XAB2: variants seen among roughly 807,000 people sequenced by gnomAD.
XAB2 encodes the protein pre-mRNA-splicing factor SYF1.
A neutral mutation model predicts 113.4 loss-of-function variants in XAB2; 57 were observed. That is an observed-to-expected ratio of 0.50 (90% CI 0.41 to 0.63). The LOEUF is 0.63. XAB2 is among the 20% of genes least tolerant of loss of function. The pLI is 0.00. For missense variants in XAB2, 1,037 were observed against 1,233.3 expected (o/e 0.84, Z 2.38); for synonymous variants, 497 against 498.8 (o/e 1.00, Z 0.05).
chr19:7,621,379 T>G, intron 12 of XAB2, 82 bp from the exon 13 acceptor site: 5 of 1,533,110 alleles, frequency 3.3e-6, no homozygotes, highest in Non-Finnish European at 4.4e-6. Flanking sequence ...GTGGCGTCTG[T>G]AGGGAGCCTG....
intron 12 of XAB2, 112 bp from the exon 13 acceptor site, chr19:7,621,409 C>T: frequency 1.6e-6 from 2 of 1,227,382 alleles, no homozygotes; most frequent in East Asian, 2.3e-5. Flanking sequence ...CCCTTGGGGC[C>T]CTTCCCTGTC....
Position 7,624,285 on chromosome 19 carries a change from G to A in XAB2, c.967+16C>T. On this transcript the variant is annotated intron_variant, in intron 7 of 18. Transcript: ENST00000358368. The surrounding 1 kb of genome is among the most constrained non-coding windows in gnomAD (Gnocchi z 4.2). ...CTCAGCTCTCTCCCCACCAGCCGGG[G>A]CCCCCAGAGGCTCACCCTCCTCCTC... 1.2e-6 allele frequency: 2 copies of A among 1,612,016 alleles called. No individual in the cohort carries two copies. The highest frequency in any genetic ancestry group is 1.3e-5 in the African/African-American group (1 of 75,040).
In XAB2 at chr19:7,628,396, T is replaced by C; in HGVS notation, c.52-98A>G. On this transcript the variant is annotated intron_variant, in intron 1 of 18. Coordinates refer to ENST00000358368, the MANE Select transcript of XAB2 (RefSeq NM_020196.3). This position sits in a 1 kb window ranked among gnomAD's most constrained non-coding sequence, Gnocchi z 4.6. ...GGGCTCAGGTCCAAACTCCGGACTT[T>C]TACCTAGATCCCACCACCCACCAAG... is the stretch of plus-strand genomic sequence containing the variant. The C allele has an allele frequency of 1.3e-6, 2 of 1,485,420 alleles. No homozygotes were observed. Among genetic ancestry groups the C allele is most frequent in the Non-Finnish European group, 1.8e-6 (2 of 1,090,584 alleles). The allele number at this position is 1,485,420 out of a possible 1,614,324, so 92.0% of individuals were successfully genotyped here.
Position 7,620,350 on chromosome 19 carries a change from G to A in XAB2, c.2191C>T (p.Gln731Ter). ...KEMLRIRRSVQATYNTQVNFM... is the reference protein window; with the variant it reads ...KEMLRIRRSV ...TTGACCTGCGTGTTGTACGTGGCCT[G>A]CACGCTGCGCCGGATACGCAGCATT... The change falls in exon 16 of 19, where the codon CAG becomes TAG. Residue 731 changes from glutamine to a stop codon, truncating the protein, a stop_gained. Coordinates refer to ENST00000358368, the MANE Select transcript of XAB2 (RefSeq NM_020196.3). LOFTEE classifies it high-confidence loss of function. The A allele has an allele frequency of 6.2e-7, 1 of 1,613,518 alleles. No individual in the cohort carries two copies. The highest frequency in any genetic ancestry group is 8.5e-7 in the Non-Finnish European group (1 of 1,180,006).
Position 7,624,868 on chromosome 19 carries a change from C to T in XAB2, c.823-423G>A, listed in dbSNP as rs1328419410. Among the ~76,000 whole-genome samples, 1 of 152,208 alleles carries T rather than the reference C, an allele frequency of 6.6e-6. No individual in the cohort carries two copies. On this transcript the variant is annotated intron_variant, in intron 6 of 18. Coordinates refer to ENST00000358368, the MANE Select transcript of XAB2 (RefSeq NM_020196.3). This position sits in a 1 kb window ranked among gnomAD's most constrained non-coding sequence, Gnocchi z 4.2. ...TCCCTCTCGCTTGCCTGACCCTCTTCCCCAGCCCGCCTGTCCTCCACCTGG... is the reference window on the plus strand; with the variant it reads ...TCCCTCTCGCTTGCCTGACCCTCTTTCCCAGCCCGCCTGTCCTCCACCTGG...
In XAB2 at chr19:7,622,904, G is replaced by A. The variant is rs116369146; in HGVS notation, c.1240-11C>T. Reference sequence around the variant, plus strand: ...CAGGATGACACGGGCCTGCCGGGGCGGGCAGAGGCGAGGCTGAGACCCTGC... The same window carrying A: ...CAGGATGACACGGGCCTGCCGGGGCAGGCAGAGGCGAGGCTGAGACCCTGC... On this transcript the variant is annotated splice_polypyrimidine_tract_variant and intron_variant, in intron 9 of 18. Coordinates refer to ENST00000358368, the MANE Select transcript of XAB2 (RefSeq NM_020196.3). The A allele has an allele frequency of 2.3e-4, 370 of 1,612,602 alleles. No individual in the cohort carries two copies. The African/African-American group carries it at 3.3e-3, about 15-fold the overall frequency.
At position 7,624,281 on chromosome 19, in the gene XAB2, C is replaced by T. The variant is rs377513983; in HGVS notation, c.967+20G>A. ...TCCACTCAGCTCTCTCCCCACCAGC[C>T]GGGGCCCCCAGAGGCTCACCCTCCT... On this transcript the variant is annotated intron_variant, in intron 7 of 18. Coordinates refer to ENST00000358368, the MANE Select transcript of XAB2 (RefSeq NM_020196.3). The surrounding 1 kb of genome is among the most constrained non-coding windows in gnomAD (Gnocchi z 4.2). 1.9e-5 allele frequency: 31 copies of T among 1,611,700 alleles called. No homozygotes were observed. In the East Asian group the frequency reaches 4.9e-4, roughly 25 times the overall value.
At position 7,628,390 on chromosome 19, in the gene XAB2, G is replaced by A. The variant is rs757921908; in HGVS notation, c.52-92C>T. 4.2e-5 allele frequency: 64 copies of A among 1,533,948 alleles called. No homozygotes were observed. The highest frequency in any genetic ancestry group is 3.0e-4 in the Admixed American group (16 of 54,096). On this transcript the variant is annotated intron_variant, in intron 1 of 18. Coordinates refer to ENST00000358368, the MANE Select transcript of XAB2 (RefSeq NM_020196.3). This position sits in a 1 kb window ranked among gnomAD's most constrained non-coding sequence, Gnocchi z 4.6. ...CTGCTGGGGCTCAGGTCCAAACTCC[G>A]GACTTTTACCTAGATCCCACCACCC...
intron 1 of XAB2, 127 bp downstream of exon 1, chr19:7,629,350 T>C: frequency 8.7e-7 from 1 of 1,148,024 alleles, no homozygotes; most frequent in Non-Finnish European, 1.3e-6. Flanking sequence ...TCTGGCCCAT[T>C]AGGGTTCCCA....
Position 7,628,122 on chromosome 19 carries a change from T to C in XAB2, c.200+28A>G. 1 of 1,600,628 alleles carries C rather than the reference T, an allele frequency of 6.2e-7. No individual in the cohort carries two copies. Among genetic ancestry groups the C allele is most frequent in the Non-Finnish European group, 8.5e-7 (1 of 1,173,808 alleles). ...CTGGACCAGGTGGGGTGGGGGCTGG[T>C]GGGCAGGGCAGCTGGAGCCATTCCC... On this transcript the variant is annotated intron_variant, in intron 2 of 18. Coordinates refer to ENST00000358368, the MANE Select transcript of XAB2 (RefSeq NM_020196.3). This position sits in a 1 kb window ranked among gnomAD's most constrained non-coding sequence, Gnocchi z 4.6.
chr19:7,622,600 T>A lies in XAB2; in HGVS notation c.1433A>T (p.Asn478Ile). 6.2e-7 allele frequency: 1 copy of A among 1,612,904 alleles called. No homozygotes were observed. The highest frequency in any genetic ancestry group is 1.7e-5 in the Admixed American group (1 of 60,032). Residue 478 changes from asparagine to isoleucine, a missense_variant, in exon 11 of 19, where the codon AAC becomes ATC. Asn to Ile is a moderately radical substitution (Grantham distance 149). Coordinates refer to ENST00000358368, the MANE Select transcript of XAB2 (RefSeq NM_020196.3). Reference protein sequence around the residue: ...EYFDGSEPVQNRVYKSLKVWS... With the variant: ...EYFDGSEPVQIRVYKSLKVWS... ...GACCTTCAGTGACTTGTACACGCGG[T>A]TCTGCACGGGCTCTGAACCATCAAA...
At position 7,625,889 on chromosome 19, in the gene XAB2, A is replaced by G. The variant is rs1290701023; in HGVS notation, c.813T>C (p.His271=). ...GTGTGCCAGCATGCACCTTCTCGAAATGGCCGCTGCGGATGTAGTAGTCGG... is the reference window on the plus strand; with the variant it reads ...GTGTGCCAGCATGCACCTTCTCGAAGTGGCCGCTGCGGATGTAGTAGTCGG... ...SLADYYIRSG[H]FEKARDVYEE... is the part of the protein sequence containing the mutation. The change falls in exon 6 of 19, where the codon CAT becomes CAC. Residue 271 remains histidine (H), a synonymous_variant. Coordinates refer to ENST00000358368, the MANE Select transcript of XAB2 (RefSeq NM_020196.3). The surrounding 1 kb of genome is among the most constrained non-coding windows in gnomAD (Gnocchi z 5.2). 6.2e-7 allele frequency: 1 copy of G among 1,604,606 alleles called. No homozygotes were observed. The highest frequency in any genetic ancestry group is 1.3e-5 in the African/African-American group (1 of 74,780).
rs2031109379 is a variant in XAB2, at chr19:7,624,993, G to A, written c.823-548C>T. On this transcript the variant is annotated intron_variant, in intron 6 of 18. Transcript: ENST00000358368. This position sits in a 1 kb window ranked among gnomAD's most constrained non-coding sequence, Gnocchi z 4.2. ...TGGCCTACACGTGCCCCTGGAAGGG[G>A]CGCTGCGAAGCGCATACCGCCCACA... Among the ~76,000 whole-genome samples the A allele has an allele frequency of 6.6e-6, 1 of 152,230 alleles. No homozygotes were observed. Among genetic ancestry groups the A allele is most frequent in the South Asian group, 2.1e-4 (1 of 4,834 alleles).
rs747035938 is a variant in XAB2 at position 7,624,370 on chromosome 19, C to T, written c.898G>A (p.Ala300Thr). 5.0e-6 allele frequency: 8 copies of T among 1,614,080 alleles called. No homozygotes were observed. The highest frequency in any genetic ancestry group is 1.7e-5 in the Admixed American group (1 of 60,014). Residue 300 changes from alanine (A) to threonine (T), a missense_variant, in exon 7 of 19, where the codon GCC becomes ACC. Coordinates refer to ENST00000358368, the MANE Select transcript of XAB2 (RefSeq NM_020196.3). The surrounding 1 kb of genome is among the most constrained non-coding windows in gnomAD (Gnocchi z 4.2). ...RDFTQVFDSY[A>T]QFEESMIAAK... ...GCGATCATGCTCTCCTCGAACTGGG[C>T]GTAGCTGTCAAACACCTGTGTGAAG...
Position 7,625,604 on chromosome 19 carries a change from G to A in XAB2, c.822+276C>T, listed in dbSNP as rs963241718. ...AGCGATTCTCCTGCCTCAGCCTCCCGAGTAGCTGGGATTACAGGCGCGCAC... is the reference window on the plus strand; with the variant it reads ...AGCGATTCTCCTGCCTCAGCCTCCCAAGTAGCTGGGATTACAGGCGCGCAC... On this transcript the variant is annotated intron_variant, in intron 6 of 18. Transcript: ENST00000358368. This position sits in a 1 kb window ranked among gnomAD's most constrained non-coding sequence, Gnocchi z 5.2. 2.7e-5 allele frequency among the ~76,000 whole-genome samples: 4 copies of A among 150,340 alleles called. No homozygotes were observed. Among genetic ancestry groups the A allele is most frequent in the Non-Finnish European group, 4.4e-5 (3 of 67,782 alleles).
At position 7,623,068 on chromosome 19, in the gene XAB2, G is replaced by A. The variant is rs987783619; in HGVS notation, c.1239+102C>T. ...CACCCAAATGCACATGCACACACAC[G>A]TGCACACATCCATGCACAAATATGT... On this transcript the variant is annotated intron_variant, in intron 9 of 18. Transcript: ENST00000358368. This position sits in a 1 kb window ranked among gnomAD's most constrained non-coding sequence, Gnocchi z 4.6. The A allele has an allele frequency of 7.6e-6, 12 of 1,569,286 alleles. No individual in the cohort carries two copies. Among genetic ancestry groups the A allele is most frequent in the South Asian group, 4.7e-5 (4 of 85,438 alleles).
At chr19:7,626,838 G>C (rs1438651080) in intron 4 of XAB2, among the ~76,000 whole-genome samples, 1 of 152,166 alleles carries the variant, frequency 6.6e-6, no homozygotes, top group Non-Finnish European at 1.5e-5. Flanking sequence ...CTTTAAGTTT[G>C]AGCAAACCAT....
chr19:7,621,117 GC>G lies in XAB2; in HGVS notation c.1780+17del, dbSNP rs756146990. The G allele has an allele frequency of 1.9e-4, 185 of 985,866 alleles. No homozygotes were observed. The African/African-American group carries it at 3.3e-3, about 18-fold the overall frequency. 61.1% of individuals were successfully genotyped at this position (985,866 alleles called of 1,614,324 possible). ...CCAGCCCGCCCGCCACCCCCCCCAT[GC>G]CCTCTGCCCGCCTCACTCTTGGCAT... On this transcript the variant is annotated intron_variant, in intron 13 of 18. Transcript: ENST00000358368.
chr19:7,622,025 C>T (rs1350978367), intron 12 of XAB2: 1 of 325,464 alleles, frequency 3.1e-6, no homozygotes, highest in Non-Finnish European at 5.8e-6. Context: ...TCCATTATGA[C>T]TGATGTCCTT....
Sources: gnomAD v4.1 joint callset for allele counts (sites outside exome capture counted in the v4.1 genomes callset) on GRCh38, gnomAD v4.1.1 for gene constraint, Gnocchi (gnomAD v3.1) non-coding constraint, MANE v1.5 for transcripts, NCBI Gene and HGNC (gene_info 2026-07-23, HGNC 2026-07-21) for gene names.